Variants in SNX17 observed in about 807,000 individuals in gnomAD.
The protein encoded by SNX17 is sorting nexin-17.
Under a neutral mutation model 64.3 loss-of-function variants are expected in SNX17, and 35 were observed. That is an observed-to-expected ratio of 0.54 (90% CI 0.42 to 0.72). The LOEUF is 0.72. Among genes scored for constraint, SNX17 ranks in the 30% least tolerant of loss-of-function variants. SNX17 has a pLI of 0.00. For missense variants in SNX17, 538 were observed against 610.0 expected (o/e 0.88, Z 1.24); for synonymous variants, 259 against 230.2 (o/e 1.13, Z -1.13).
intron 8 of SNX17, 43 bp downstream of exon 8, chr2:27,374,801 A>G: frequency 6.4e-7 from 1 of 1,571,834 alleles, no homozygotes; most frequent in East Asian, 2.2e-5. Flanking sequence ...TGAAGAAAAT[A>G]ACGGGTGACT....
chr2:27,375,607 G>T lies in SNX17; in HGVS notation c.876G>T (p.Ala292=). The change falls in exon 10 of 15, where the codon GCG becomes GCT. Residue 292 remains alanine (A), a synonymous_variant. Coordinates refer to ENST00000233575, the MANE Select transcript of SNX17 (RefSeq NM_014748.4). This position sits in a 1 kb window ranked among gnomAD's most constrained non-coding sequence, Gnocchi z 4.1. ...AGGACTGTCCTGTGGTGGTGAGCGC[G>T]GGCAACAGTGAGCTCAGCCTGCAGC... ...PEKDCPVVVS[A]GNSELSLQLR... 1 of 1,614,168 alleles carries T rather than the reference G, an allele frequency of 6.2e-7. No individual in the cohort carries two copies. The highest frequency in any genetic ancestry group is 8.5e-7 in the Non-Finnish European group (1 of 1,180,030).
At chr2:27,374,045 C>T in intron 5 of SNX17, 40 bp from the exon 6 acceptor site, 1 of 1,609,312 alleles carries the variant, frequency 6.2e-7, no homozygotes. Context: ...TGATTGGAAC[C>T]AGCCAGTATG....
In SNX17 at chr2:27,370,749, CTT is replaced by C; in HGVS notation, c.9_10del (p.Ser4HisfsTer20). On this transcript the variant is annotated frameshift_variant, in exon 1 of 15. Transcript: ENST00000233575. LOFTEE classifies it high-confidence loss of function. MH[F>X]SIPETESRSG... ...CGTGCCGTGCCGTAGGGAACATGCA[CTT>C]TTCCATTCCCGAAACCGAGTCCCGC... 1 of 1,549,472 alleles carries C rather than the reference CTT, an allele frequency of 6.5e-7. No homozygotes were observed. The highest frequency in any genetic ancestry group is 8.7e-7 in the Non-Finnish European group (1 of 1,146,526).
At chr2:27,373,211 C>T in intron 3 of SNX17, 36 bp from the exon 4 acceptor site, 1 of 1,613,464 alleles carries the variant, frequency 6.2e-7, no homozygotes, top group South Asian at 1.1e-5. Flanking sequence ...AGAGTGAGTG[C>T]TAAGTTCCTG....
rs1159252609 is a variant in SNX17, at chr2:27,376,663, G to A, written c.1357G>A (p.Ala453Thr). The change falls in exon 15 of 15, where the codon GCC (alanine) becomes ACC (threonine). Residue 453 changes from alanine (A) to threonine (T), a missense_variant. By Grantham distance (58) the Ala-to-Thr change is moderately conservative. This residue lies in a region of SNX17 where 505 missense variants were observed against 550.4 expected (regional missense o/e 0.92). Transcript: ENST00000233575. ...GIGSPSTDAS[A>T]SDVHGNFAFE... is the part of the protein sequence containing the mutation. ...TGGCAGTCCCAGCACAGATGCCAGT[G>A]CCAGTGATGTCCACGGCAATTTCGC... 3 of 1,614,096 alleles carry A rather than the reference G, an allele frequency of 1.9e-6. No individual in the cohort carries two copies. Among genetic ancestry groups the A allele is most frequent in the Non-Finnish European group, 2.5e-6 (3 of 1,180,032 alleles).
At chr2:27,371,413 T>C (rs1682525834) in intron 2 of SNX17, 70 bp downstream of exon 2, 1 of 1,532,546 alleles carries the variant, frequency 6.5e-7, no homozygotes. Flanking sequence ...GTGTCTCCCT[T>C]TACCCGCTCT....
intron 6 of SNX17, 23 bp from the exon 7 acceptor site, chr2:27,374,323 A>AT (rs34784726): frequency 0.026 from 31,696 of 1,220,602 alleles, 1 homozygote; most frequent in Non-Finnish European, 0.03. Context: ...CTATATTTTC[A>AT]TTTTTTTTTT....
chr2:27,371,191 G>T lies in SNX17; in HGVS notation c.64-78G>T, dbSNP rs1005263544. The T allele has an allele frequency of 7.5e-6, 10 of 1,338,984 alleles. No homozygotes were observed. In the East Asian group the frequency reaches 2.3e-4, roughly 31 times the overall value. The allele number at this position is 1,338,984 out of a possible 1,614,324, so 82.9% of individuals were successfully genotyped here. ...AGCGCGTTACTCCGGCGAGTTGCCAGGCAACTTCCGGCCAGGGTTCTCAGG... is the reference window on the plus strand; with the variant it reads ...AGCGCGTTACTCCGGCGAGTTGCCATGCAACTTCCGGCCAGGGTTCTCAGG... On this transcript the variant is annotated intron_variant, in intron 1 of 14. Coordinates refer to ENST00000233575, the MANE Select transcript of SNX17 (RefSeq NM_014748.4).
At chr2:27,373,123 G>A in intron 3 of SNX17, 124 bp from the exon 4 acceptor site, 2 of 1,593,282 alleles carry the variant, frequency 1.3e-6, no homozygotes, top group Non-Finnish European at 1.7e-6. Flanking sequence ...GGTGAGGCCA[G>A]CTGGGGGATG....
rs774223237 is a variant in SNX17 at position 27,375,757 on chromosome 2, G to T, written c.978+48G>T. The T allele has an allele frequency of 3.1e-6, 5 of 1,611,746 alleles. No homozygotes were observed. The Admixed American group carries it at 8.3e-5, about 27-fold the overall frequency. On this transcript the variant is annotated intron_variant, in intron 10 of 14. Transcript: ENST00000233575. The surrounding 1 kb of genome is among the most constrained non-coding windows in gnomAD (Gnocchi z 4.1). ...AGGGCCTGGGTTGGGGGCCCGGCAA[G>T]CCTTGAGCTTAGGTATGGGCTGCAG...
chr2:27,375,783 CG>C lies in SNX17; in HGVS notation c.979-60del. 9.9e-6 allele frequency: 16 copies of C among 1,609,424 alleles called. No homozygotes were observed. The highest frequency in any genetic ancestry group is 1.4e-5 in the Non-Finnish European group (16 of 1,177,516). ...CCTTGAGCTTAGGTATGGGCTGCAGCGGGTCAGGGAGCCAGACAGGTTGGTC... is the reference window on the plus strand; with the variant it reads ...CCTTGAGCTTAGGTATGGGCTGCAGCGGTCAGGGAGCCAGACAGGTTGGTC... On this transcript the variant is annotated intron_variant, in intron 10 of 14. Transcript: ENST00000233575. This position sits in a 1 kb window ranked among gnomAD's most constrained non-coding sequence, Gnocchi z 4.1.
rs772059514 is a variant in SNX17 at position 27,373,284 on chromosome 2, C to G, written c.294C>G (p.Phe98Leu). ...CATTGCTTGGGAGCAGCGAGACTTT[C>G]AACAGTTTCCTGCGTCGGGCACAAC... ...QDPLLGSSET[F>L]NSFLRRAQQE... Residue 98 changes from phenylalanine to leucine, a missense_variant, in exon 4 of 15, where the codon TTC becomes TTG. Physicochemically the swap from Phe to Leu is conservative, Grantham distance 22. Transcript: ENST00000233575. 4.3e-6 allele frequency: 7 copies of G among 1,614,100 alleles called. No homozygotes were observed. Among genetic ancestry groups the G allele is most frequent in the Non-Finnish European group, 5.1e-6 (6 of 1,180,040 alleles).
chr2:27,375,123 A>C lies in SNX17; in HGVS notation c.744A>C (p.Lys248Asn). ...CCAAGGAACAGCACCGGCAACTCAA[A>C]TCTCTGCAAGAGAAAGTCTCCAAGA... The part of the protein sequence containing the change: ...LVTKEQHRQL[K>N]SLQEKVSKKE... The change falls in exon 9 of 15, where the codon AAA (lysine) becomes AAC (asparagine). Residue 248 changes from lysine (K) to asparagine (N), a missense_variant. Coordinates refer to ENST00000233575, the MANE Select transcript of SNX17 (RefSeq NM_014748.4). The surrounding 1 kb of genome is among the most constrained non-coding windows in gnomAD (Gnocchi z 4.1). 1 of 1,614,104 alleles carries C rather than the reference A, an allele frequency of 6.2e-7. No individual in the cohort carries two copies.
Position 27,375,158 on chromosome 2 carries a change from G to A in SNX17, c.774+5G>A, listed in dbSNP as rs1336663152. On this transcript the variant is annotated splice_donor_5th_base_variant and intron_variant, in intron 9 of 14. Transcript: ENST00000233575. This position sits in a 1 kb window ranked among gnomAD's most constrained non-coding sequence, Gnocchi z 4.1. ...GAGAAAGTCTCCAAGAAGGAGGTGA[G>A]CCCTGCCTCCTCTCTGTCTTCCTCT... is the stretch of plus-strand genomic sequence containing the variant. The A allele has an allele frequency of 6.2e-7, 1 of 1,613,586 alleles. No homozygotes were observed. Among genetic ancestry groups the A allele is most frequent in the Non-Finnish European group, 8.5e-7 (1 of 1,179,534 alleles).
At chr2:27,371,646 G>A in intron 2 of SNX17, 2 of 275,112 alleles carry the variant, frequency 7.3e-6, no homozygotes, top group Non-Finnish European at 6.8e-6. Context: ...CTCCACCCAG[G>A]CTGTCAAAGC....
In SNX17 at chr2:27,376,968, T is replaced by A. The variant is rs1683313291; in HGVS notation, c.*249T>A. ...TTAGCATTTAGTATTTTGCACAAAG[T>A]CTAAGGGACCATGGCTGCCTGCCTT... On this transcript the variant is annotated 3_prime_UTR_variant, in exon 15 of 15. Transcript: ENST00000233575. The A allele has an allele frequency of 1.9e-6, 1 of 515,330 alleles. No homozygotes were observed. Among genetic ancestry groups the A allele is most frequent in the African/African-American group, 1.9e-5 (1 of 51,950 alleles). The allele number at this position is 515,330 out of a possible 1,614,324, so 31.9% of individuals were successfully genotyped here.
At position 27,372,628 on chromosome 2, in the gene SNX17, G is replaced by C; in HGVS notation, c.144G>C (p.Arg48=). ...GTATCTCTTTCTCTAAATAGCTTCGGAAGGAGTATGGGGCCAATGTGCTTC... is the reference window on the plus strand; with the variant it reads ...GTATCTCTTTCTCTAAATAGCTTCGCAAGGAGTATGGGGCCAATGTGCTTC... The part of the protein sequence containing the change: ...SQLLGLHEQL[R]KEYGANVLPA... Residue 48 remains arginine (R), a synonymous_variant, in exon 3 of 15, where the codon CGG becomes CGC. Coordinates refer to ENST00000233575, the MANE Select transcript of SNX17 (RefSeq NM_014748.4). 2 of 1,614,184 alleles carry C rather than the reference G, an allele frequency of 1.2e-6. No individual in the cohort carries two copies. The highest frequency in any genetic ancestry group is 1.7e-6 in the Non-Finnish European group (2 of 1,180,020).
Position 27,377,419 on chromosome 2 carries a change from C to T in SNX17, c.*700C>T, listed in dbSNP as rs752172050. 13 of 1,069,736 alleles carry T rather than the reference C, an allele frequency of 1.2e-5. No homozygotes were observed. The highest frequency in any genetic ancestry group is 3.1e-5 in the African/African-American group (2 of 64,298). The allele number at this position is 1,069,736 out of a possible 1,614,324, so 66.3% of individuals were successfully genotyped here. ...AGGTCCCCTGGTCCATATGGGCCCCCCCGCCCATGGGGTTGGGCTGGTCCT... is the reference window on the plus strand; with the variant it reads ...AGGTCCCCTGGTCCATATGGGCCCCTCCGCCCATGGGGTTGGGCTGGTCCT... On this transcript the variant is annotated 3_prime_UTR_variant, in exon 15 of 15. Transcript: ENST00000233575. This position sits in a 1 kb window ranked among gnomAD's most constrained non-coding sequence, Gnocchi z 4.4.
chr2:27,377,471 A>G lies in SNX17; in HGVS notation c.*752A>G. ...ATAGTGCCTACGTTAGTCTGTGTGG[A>G]GCCCCTGGCCAGCGGGGGAGAAAAA... On this transcript the variant is annotated 3_prime_UTR_variant, in exon 15 of 15. Transcript: ENST00000233575. The surrounding 1 kb of genome is among the most constrained non-coding windows in gnomAD (Gnocchi z 4.4). 3 of 1,511,316 alleles carry G rather than the reference A, an allele frequency of 2.0e-6. No individual in the cohort carries two copies. The highest frequency in any genetic ancestry group is 2.7e-6 in the Non-Finnish European group (3 of 1,093,376). 93.6% of individuals were successfully genotyped at this position (1,511,316 alleles called of 1,614,324 possible).
Sources: allele counts gnomAD v4.1 joint callset, GRCh38; gene constraint gnomAD v4.1.1; regional missense constraint gnomAD v4.1.1; non-coding constraint Gnocchi (gnomAD v3.1); transcripts MANE v1.5; gene names NCBI Gene and HGNC (gene_info 2026-07-23, HGNC 2026-07-21).